The following SEL1L2 variants were observed in gnomAD, a reference collection of about 807,000 sequenced individuals.
SEL1L2 encodes the protein SEL1L2 adaptor subunit of SYVN1 ubiquitin ligase.
SEL1L2 carries 89 observed loss-of-function variants against 98.8 expected under a neutral mutation model. The observed-to-expected ratio is 0.90, with a 90% CI of 0.76 to 1.07. The LOEUF (loss-of-function observed/expected upper bound fraction) is 1.07. Among genes scored for constraint, SEL1L2 ranks in the 50% least tolerant of loss-of-function variants. SEL1L2 has a pLI of 0.00. For missense variants in SEL1L2, 788 were observed against 812.0 expected (o/e 0.97, Z 0.36); for synonymous variants, 262 against 278.5 (o/e 0.94, Z 0.59).
chr20:13,969,672 T>A (rs1286223195), intron 1 of SEL1L2, among the ~76,000 whole-genome samples: 4 of 152,190 alleles, frequency 2.6e-5, no homozygotes, highest in Non-Finnish European at 5.9e-5. Context: ...CTCACACCCA[T>A]GTATTTTACT....
chr20:13,884,782 C>T (rs1568894846), intron 10 of SEL1L2, among the ~76,000 whole-genome samples: 1 of 152,218 alleles, frequency 6.6e-6, no homozygotes. Flanking sequence ...GCTGAGATTA[C>T]AGGCATGAGC....
intron 2 of SEL1L2, among the ~76,000 whole-genome samples, chr20:13,953,095 T>G (rs866568424): frequency 6.6e-6 from 1 of 152,138 alleles, no homozygotes. Flanking sequence ...CTTAGACTGG[T>G]TGGCTTAGGA....
chr20:13,962,356 C>T (rs929161554), intron 1 of SEL1L2, among the ~76,000 whole-genome samples: 9 of 152,188 alleles, frequency 5.9e-5, no homozygotes, highest in African/African-American at 2.2e-4. Context: ...AAGGCTAGTC[C>T]TTAGGCCTTG....
chr20:13,913,725 G>C lies in SEL1L2; in HGVS notation c.549+57C>G, dbSNP rs974308258. The stretch of plus-strand genomic sequence containing the variant: ...TATTGCTCAACTCCTTTCACATGCT[G>C]TCTATAGTTATTTCAGGATGGAGCT... On this transcript the variant is annotated intron_variant, in intron 5 of 19. Transcript: ENST00000284951. 59 of 1,404,934 alleles carry C rather than the reference G, an allele frequency of 4.2e-5. 1 individual carries two copies. The Middle Eastern group carries it at 1.7e-3, about 40-fold the overall frequency. The allele number at this position is 1,404,934 out of a possible 1,614,324, so 87.0% of individuals were successfully genotyped here. A position where few individuals can be genotyped will look rare whatever the true frequency, so the allele number is the denominator to read the frequency against.
intron 17 of SEL1L2, 45 bp downstream of exon 17, chr20:13,865,122 A>G: frequency 6.8e-7 from 1 of 1,466,948 alleles, no homozygotes; most frequent in South Asian, 1.2e-5. Flanking sequence ...TGAATAACAG[A>G]GGACAGGGAC....
chr20:13,889,877 A>G (rs1226737426), intron 5 of SEL1L2, among the ~76,000 whole-genome samples: 1 of 152,364 alleles, frequency 6.6e-6, no homozygotes, highest in Admixed American at 6.5e-5. Flanking sequence ...AAAATATTCA[A>G]ACAATAACAA....
At chr20:13,860,736 C>T (rs970259874) in intron 17 of SEL1L2, among the ~76,000 whole-genome samples, 3 of 152,052 alleles carry the variant, frequency 2.0e-5, no homozygotes, top group Non-Finnish European at 4.4e-5. Flanking sequence ...TCTGGGTGAC[C>T]TTGTTTCGTT....
chr20:13,913,705 C>T, intron 5 of SEL1L2, 77 bp downstream of exon 5: 2 of 1,295,176 alleles, frequency 1.5e-6, no homozygotes, highest in East Asian at 2.8e-5. Flanking sequence ...AATACTATTG[C>T]TCAACTCCTT....
chr20:13,883,770 G>A (rs867143422), intron 10 of SEL1L2, among the ~76,000 whole-genome samples: 1 of 152,338 alleles, frequency 6.6e-6, no homozygotes, highest in South Asian at 2.1e-4. Context: ...TTATTGCACT[G>A]TACAAAGATT....
intron 18 of SEL1L2, among the ~76,000 whole-genome samples, chr20:13,856,020 A>G (rs1200949028): frequency 6.6e-6 from 1 of 152,268 alleles, no homozygotes; most frequent in Non-Finnish European, 1.5e-5. Context: ...GCAGAAAGTC[A>G]GACCTGAGCC....
At chr20:13,983,023 CAAAAAAAAAAAAA>C (rs57993052) in intron 1 of SEL1L2, among the ~76,000 whole-genome samples, 1 of 15,562 alleles carries the variant, frequency 6.4e-5, no homozygotes, top group Non-Finnish European at 1.4e-4. Flanking sequence ...GACTCCATCT[CAAAAAAAAAAAAA>C]AAAAAAAAAA....
intron 17 of SEL1L2, among the ~76,000 whole-genome samples, chr20:13,864,350 G>C (rs1403415827): frequency 6.6e-6 from 1 of 152,160 alleles, no homozygotes; most frequent in Admixed American, 6.5e-5. Context: ...CCTGTGAAAA[G>C]GGATGATTTG....
At chr20:13,902,844 G>A (rs1314596987) in intron 5 of SEL1L2, among the ~76,000 whole-genome samples, 3 of 152,086 alleles carry the variant, frequency 2.0e-5, no homozygotes, top group African/African-American at 4.8e-5. Context: ...CCGGCCAGGC[G>A]CGGTGGCTCA....
At chr20:13,861,336 C>T (rs1398828409) in intron 17 of SEL1L2, among the ~76,000 whole-genome samples, 6 of 151,794 alleles carry the variant, frequency 4.0e-5, no homozygotes, top group Admixed American at 3.3e-4. Flanking sequence ...CCAACATGCC[C>T]GTATTCACCA....
At chr20:13,870,261 T>C in intron 12 of SEL1L2, 58 bp from the exon 13 acceptor site, 2 of 1,365,962 alleles carry the variant, frequency 1.5e-6, no homozygotes, top group East Asian at 2.3e-5. Context: ...TAAGGAAAAT[T>C]ACTGCAAAAT....
At position 13,859,287 on chromosome 20, in the gene SEL1L2, T is replaced by C. The variant is rs566543562; in HGVS notation, c.1793A>G (p.Tyr598Cys). The C allele has an allele frequency of 6.2e-7, 1 of 1,613,886 alleles. No individual in the cohort carries two copies. The highest frequency in any genetic ancestry group is 1.1e-5 in the South Asian group (1 of 91,084). ...CTTTGTGATGCCTAAGCCGTGTTCA[T>C]ACATATAAGCCAGATTGAACATGGC... Reference protein sequence around the residue: ...AQAMFNLAYMYEHGLGITKDI... With the variant: ...AQAMFNLAYMCEHGLGITKDI... The change falls in exon 18 of 20, where the codon TAT becomes TGT. Residue 598 changes from tyrosine (Y) to cysteine (C), a missense_variant. Transcript: ENST00000284951.
chr20:13,983,047 A>AAAAAAAAAAAAAAAAAAAAAAAAAAAC (rs1569086282), intron 1 of SEL1L2, among the ~76,000 whole-genome samples: 2 of 144,296 alleles, frequency 1.4e-5, no homozygotes, highest in Middle Eastern at 3.5e-3. Flanking sequence ...AAAAAAAAAA[A>AAAAAAAAAAAAAAAAAAAAAAAAAAAC]AGCAGCAGCC....
chr20:13,913,752 T>G, intron 5 of SEL1L2, 30 bp downstream of exon 5: 1 of 1,491,664 alleles, frequency 6.7e-7, no homozygotes, highest in Non-Finnish European at 8.9e-7. Context: ...GATGGAGCTA[T>G]TTAAGGTTTC....
In SEL1L2 at chr20:13,869,458, T is replaced by C. The variant is rs775272420; in HGVS notation, c.1255+45A>G. ...GTTATAAAAGAAGCAGACTTAATAA[T>C]GCATATGTCATTCTAAATAAAGCAG... On this transcript the variant is annotated intron_variant, in intron 14 of 19. Transcript: ENST00000284951. 2.2e-6 allele frequency: 3 copies of C among 1,365,286 alleles called. No individual in the cohort carries two copies. The Admixed American group carries it at 5.0e-5, about 23-fold the overall frequency. The allele number at this position is 1,365,286 out of a possible 1,614,324, so 84.6% of individuals were successfully genotyped here.
Sources: allele counts gnomAD v4.1 joint callset (sites outside exome capture counted in the v4.1 genomes callset), GRCh38; gene constraint gnomAD v4.1.1; transcripts MANE v1.5; gene names NCBI Gene and HGNC (gene_info 2026-07-23, HGNC 2026-07-21).